The following EPHA4 variants were observed in gnomAD, a reference collection of about 807,000 sequenced individuals.
EPHA4 encodes the protein ephrin type-A receptor 4.
Under a neutral mutation model 108.3 loss-of-function variants are expected in EPHA4, and 19 were observed. That is an observed-to-expected ratio of 0.18 (90% CI 0.12 to 0.26). EPHA4 has a LOEUF of 0.26. Ranked by LOEUF, EPHA4 falls within the 10% of genes least tolerant of loss-of-function variation. The probability of loss-of-function intolerance (pLI) is 1.00; values close to 1 mark genes in which losing one functional copy is unlikely to be tolerated. For missense variants in EPHA4, 917 were observed against 1,254.0 expected (o/e 0.73, Z 4.06); for synonymous variants, 449 against 455.5 (o/e 0.99, Z 0.18).
At chr2:221,495,820 G>A (rs1199941856) in intron 4 of EPHA4, among the ~76,000 whole-genome samples, 1 of 152,156 alleles carries the variant, frequency 6.6e-6, no homozygotes, top group Non-Finnish European at 1.5e-5. Flanking sequence ...CAAGCCAGTG[G>A]AGCACAGTCT....
chr2:221,543,022 C>G (rs1693884344), intron 3 of EPHA4, among the ~76,000 whole-genome samples: 1 of 152,078 alleles, frequency 6.6e-6, no homozygotes, highest in African/African-American at 2.4e-5. Flanking sequence ...TATGTATGCT[C>G]TTTCTCGTTA....
At chr2:221,566,938 G>GGGAAGGGGAAGAGGAAGAGGA (rs1559297299) in intron 2 of EPHA4, among the ~76,000 whole-genome samples, 1 of 11,796 alleles carries the variant, frequency 8.5e-5, no homozygotes, top group Non-Finnish European at 1.6e-4. Context: ...GAAGGAGAAG[G>GGGAAGGGGAAGAGGAAGAGGA]AGAAGGAGAA....
At chr2:221,529,150 T>TA (rs1693426743) in intron 3 of EPHA4, among the ~76,000 whole-genome samples, 1 of 152,190 alleles carries the variant, frequency 6.6e-6, no homozygotes, top group African/African-American at 2.4e-5. Context: ...CTAAATTTTC[T>TA]ATAATTTACA....
chr2:221,473,712 T>C (rs536062931), intron 5 of EPHA4, among the ~76,000 whole-genome samples: 1 of 152,226 alleles, frequency 6.6e-6, no homozygotes, highest in South Asian at 2.1e-4. Context: ...ATTGAGCCAG[T>C]TGGAGTGACA....
At chr2:221,568,832 C>T in intron 1 of EPHA4, 47 bp from the exon 2 acceptor site, 15 of 1,537,930 alleles carry the variant, frequency 9.8e-6, no homozygotes, top group African/African-American at 1.4e-5. Flanking sequence ...TTGCAAAAAG[C>T]CAATAACACA....
At chr2:221,529,171 T>C (rs558478607) in intron 3 of EPHA4, among the ~76,000 whole-genome samples, 33 of 152,280 alleles carry the variant, frequency 2.2e-4, no homozygotes, top group Admixed American at 8.5e-4. Flanking sequence ...TACATGACAC[T>C]GTTGCTTGAC....
intron 3 of EPHA4, among the ~76,000 whole-genome samples, chr2:221,522,417 G>T (rs1436407797): frequency 6.6e-6 from 1 of 152,162 alleles, no homozygotes; most frequent in African/African-American, 2.4e-5. Flanking sequence ...GTGCATAAAG[G>T]CACAATTAAT....
intron 4 of EPHA4, among the ~76,000 whole-genome samples, chr2:221,499,756 ATTTTT>A (rs575017779): frequency 1.3e-3 from 35 of 26,214 alleles, no homozygotes; most frequent in African/African-American, 4.6e-3. Context: ...ATATATATAT[ATTTTT>A]TTTTTTTTTT....
intron 2 of EPHA4, among the ~76,000 whole-genome samples, chr2:221,564,943 C>T (rs1225862969): frequency 6.8e-6 from 1 of 147,488 alleles, no homozygotes; most frequent in African/African-American, 2.5e-5. Context: ...CCTCACTACT[C>T]TTTAAAGGTG....
chr2:221,563,291 T>C (rs1694522048), intron 3 of EPHA4, among the ~76,000 whole-genome samples: 1 of 152,210 alleles, frequency 6.6e-6, no homozygotes, highest in Non-Finnish European at 1.5e-5. Context: ...AACTTAATCC[T>C]AATTTCACAT....
chr2:221,554,489 G>A (rs1004944986), intron 3 of EPHA4, among the ~76,000 whole-genome samples: 1 of 152,146 alleles, frequency 6.6e-6, no homozygotes, highest in African/African-American at 2.4e-5. Context: ...TAAGTTTGTT[G>A]GGTAAAATAT....
intron 9 of EPHA4, among the ~76,000 whole-genome samples, chr2:221,444,900 G>A (rs996332820): frequency 4.6e-5 from 7 of 151,870 alleles, no homozygotes; most frequent in African/African-American, 1.7e-4. Flanking sequence ...TGGGATTACA[G>A]GCGTGCATTA....
chr2:221,525,046 G>A (rs1163618252), intron 3 of EPHA4, among the ~76,000 whole-genome samples: 1 of 151,844 alleles, frequency 6.6e-6, no homozygotes, highest in Admixed American at 6.6e-5. Context: ...ATAGCCTTTT[G>A]AAAGAGTTTA....
chr2:221,443,593 A>G lies in EPHA4; in HGVS notation c.1788T>C (p.Tyr596=), dbSNP rs749265496. The change falls in exon 10 of 18, where the codon TAT becomes TAC. Residue 596 remains tyrosine, a synonymous_variant. Transcript: ENST00000281821. The part of the protein sequence containing the change: ...EKHLNQGVRT[Y]VDPFTYEDPN... Reference sequence around the variant, plus strand: ...GATCTTCGTACGTAAAGGGGTCCACATATGTTCTTACACCTGAGTGATAAA... The same window carrying G: ...GATCTTCGTACGTAAAGGGGTCCACGTATGTTCTTACACCTGAGTGATAAA... 1.2e-6 allele frequency: 2 copies of G among 1,613,784 alleles called. No homozygotes were observed. The highest frequency in any genetic ancestry group is 1.3e-5 in the African/African-American group (1 of 75,042).
At chr2:221,495,001 C>CAAAAA (rs5838887) in intron 4 of EPHA4, among the ~76,000 whole-genome samples, 2 of 85,494 alleles carry the variant, frequency 2.3e-5, no homozygotes, top group African/African-American at 9.0e-5. Flanking sequence ...GCAATGTTGC[C>CAAAAA]AAAAAAAAAA....
chr2:221,557,227 T>C (rs1234469205), intron 3 of EPHA4, among the ~76,000 whole-genome samples: 8 of 152,126 alleles, frequency 5.3e-5, no homozygotes, highest in Non-Finnish European at 1.2e-4. Context: ...GACCAGCCAT[T>C]TGGTACCATC....
At chr2:221,486,600 G>T (rs551325182) in intron 4 of EPHA4, among the ~76,000 whole-genome samples, 134 of 152,020 alleles carry the variant, frequency 8.8e-4, no homozygotes, top group African/African-American at 3.0e-3. Context: ...CAGGTGTGCT[G>T]GCACACGTCT....
At chr2:221,482,754 T>G in intron 4 of EPHA4, 64 bp from the exon 5 acceptor site, 1 of 1,428,492 alleles carries the variant, frequency 7.0e-7, no homozygotes, top group Non-Finnish European at 9.4e-7. Flanking sequence ...TCTCTCAGAG[T>G]TTGTATTATT....
At chr2:221,498,215 C>T (rs191923925) in intron 4 of EPHA4, among the ~76,000 whole-genome samples, 2 of 152,292 alleles carry the variant, frequency 1.3e-5, no homozygotes, top group Non-Finnish European at 2.9e-5. Flanking sequence ...GAGCCAGGAC[C>T]TCCTGCCATC....
Sources: gnomAD v4.1 joint callset for allele counts (sites outside exome capture counted in the v4.1 genomes callset) on GRCh38, gnomAD v4.1.1 for gene constraint, MANE v1.5 for transcripts, NCBI Gene and HGNC (gene_info 2026-07-23, HGNC 2026-07-21) for gene names.